The following PIK3CG variants were observed in gnomAD, a reference collection of about 807,000 sequenced individuals.
The protein encoded by PIK3CG is phosphatidylinositol-4,5-bisphosphate 3-kinase catalytic subunit gamma, also known as phosphatidylinositol 4,5-bisphosphate 3-kinase catalytic subunit gamma isoform.
In PIK3CG, 55 loss-of-function variants were observed where a neutral mutation model predicts 102.3. The observed-to-expected ratio is 0.54, with a 90% confidence interval of 0.43 to 0.67. PIK3CG has a LOEUF of 0.67. Among genes scored for constraint, PIK3CG ranks in the 30% least tolerant of loss-of-function variants. The pLI is 0.00. For missense variants in PIK3CG, 1,258 were observed against 1,391.8 expected, an observed-to-expected ratio of 0.90 and a Z score of 1.53; for synonymous variants, 552 against 540.0, an observed-to-expected ratio of 1.02 and a Z score of -0.31.
rs2116428074 is a variant in PIK3CG at position 106,868,008 on chromosome 7, C to G, written c.447C>G (p.Ala149=). ...QRHPPSEESQ[A]FQRQLTALIG... ...ACCCGCCCTCCGAGGAGTCCCAAGC[C>G]TTCCAGCGGCAGCTCACGGCGCTGA... is the stretch of plus-strand genomic sequence containing the variant. Residue 149 remains alanine (A), a synonymous_variant, in exon 2 of 11, where the codon GCC becomes GCG. Transcript: ENST00000496166. The surrounding 1 kb of genome is among the most constrained non-coding windows in gnomAD (Gnocchi z 6.2). 6.2e-7 allele frequency: 1 copy of G among 1,612,226 alleles called. No individual in the cohort carries two copies. The highest frequency in any genetic ancestry group is 1.1e-5 in the South Asian group (1 of 91,038).
In PIK3CG at chr7:106,884,431, T is replaced by A. The variant is rs1018707520; in HGVS notation, c.2872+165T>A. 9.2e-5 allele frequency among the ~76,000 whole-genome samples: 14 copies of A among 152,342 alleles called. No homozygotes were observed. Among genetic ancestry groups the A allele is most frequent in the Admixed American group, 4.6e-4 (7 of 15,306 alleles). The stretch of plus-strand genomic sequence containing the variant: ...ACCATTCATCCCCAGAATTTTTCCA[T>A]CTTCCCCAGCTGAAACTCTGTACCC... On this transcript the variant is annotated intron_variant, in intron 9 of 10. Transcript: ENST00000496166. The surrounding 1 kb of genome is among the most constrained non-coding windows in gnomAD (Gnocchi z 4.2).
At position 106,905,450 on chromosome 7, in the gene PIK3CG, C is replaced by T. The variant is rs1330199986; in HGVS notation, c.*63C>T. 14 of 1,466,000 alleles carry T rather than the reference C, an allele frequency of 9.5e-6. No homozygotes were observed. The highest frequency in any genetic ancestry group is 2.6e-5 in the South Asian group (2 of 77,410). 90.8% of individuals were successfully genotyped at this position (1,466,000 alleles called of 1,614,324 possible). On this transcript the variant is annotated 3_prime_UTR_variant, in exon 11 of 11. Transcript: ENST00000496166. This position sits in a 1 kb window ranked among gnomAD's most constrained non-coding sequence, Gnocchi z 5.6. Reference sequence around the variant, plus strand: ...TGGTTTAAATTAGCATAGCAATCATCGAACTTGGATTTCAAATGCAATAGA... The same window carrying T: ...TGGTTTAAATTAGCATAGCAATCATTGAACTTGGATTTCAAATGCAATAGA...
chr7:106,908,346 TCTG>T lies in PIK3CG; in HGVS notation c.*2961_*2963del, dbSNP rs1791744153. On this transcript the variant is annotated 3_prime_UTR_variant, in exon 11 of 11. Transcript: ENST00000496166. The surrounding 1 kb of genome is among the most constrained non-coding windows in gnomAD (Gnocchi z 4.1). ...AGTTTAGCACACGCGGTCTACCACG[TCTG>T]CATGAGTGGTAAATGTAGTGCCTGG... 6.6e-6 allele frequency among the ~76,000 whole-genome samples: 1 copy of T among 152,218 alleles called. No individual in the cohort carries two copies. Among genetic ancestry groups the T allele is most frequent in the African/African-American group, 2.4e-5 (1 of 41,456 alleles).
rs544046905 is a variant in PIK3CG at position 106,907,937 on chromosome 7, T to C, written c.*2550T>C. ...ACTTATAGATAAATAAAAATCATCT[T>C]TGTGGGCTTCCTTCCTTTACTGTTC... On this transcript the variant is annotated 3_prime_UTR_variant, in exon 11 of 11. Transcript: ENST00000496166. Among the ~76,000 whole-genome samples, 1 of 151,894 alleles carries C rather than the reference T, an allele frequency of 6.6e-6. No homozygotes were observed. The highest frequency in any genetic ancestry group is 6.6e-5 in the Admixed American group (1 of 15,224).
chr7:106,872,594 G>T lies in PIK3CG; in HGVS notation c.2053G>T (p.Gly685Cys), dbSNP rs1485807487. The T allele has an allele frequency of 6.2e-7, 1 of 1,613,468 alleles. No individual in the cohort carries two copies. Among genetic ancestry groups the T allele is most frequent in the African/African-American group, 1.3e-5 (1 of 74,886 alleles). ...SALARFLLKR[G>C]LRNKRIGHFL... ...CCTTGCCAGATTTCTGCTGAAGCGT[G>T]GTTTAAGAGTAAGTACTTCCATTTT... is the stretch of plus-strand genomic sequence containing the variant. Residue 685 changes from glycine (G) to cysteine (C), a missense_variant, in exon 3 of 11, where the codon GGT (glycine) becomes TGT (cysteine). This residue lies in a region of PIK3CG where 426 missense variants were observed against 604.2 expected (regional missense o/e 0.71). Coordinates refer to ENST00000496166, the MANE Select transcript of PIK3CG (RefSeq NM_001282426.2). This position sits in a 1 kb window ranked among gnomAD's most constrained non-coding sequence, Gnocchi z 5.3.
Position 106,891,296 on chromosome 7 carries a change from T to C in PIK3CG, c.3030+5004T>C, listed in dbSNP as rs1234329262. Among the ~76,000 whole-genome samples the C allele has an allele frequency of 6.6e-6, 1 of 152,202 alleles. No individual in the cohort carries two copies. Among genetic ancestry groups the C allele is most frequent in the Admixed American group, 6.5e-5 (1 of 15,286 alleles). On this transcript the variant is annotated intron_variant, in intron 10 of 10. Transcript: ENST00000496166. The surrounding 1 kb of genome is among the most constrained non-coding windows in gnomAD (Gnocchi z 4.4). Reference sequence around the variant, plus strand: ...TCAGGCCCAGATTGACAGACCATCATCACATGGAAGGTAATAAGCCTTCAG... The same window carrying C: ...TCAGGCCCAGATTGACAGACCATCACCACATGGAAGGTAATAAGCCTTCAG...
intron 4 of PIK3CG, among the ~76,000 whole-genome samples, chr7:106,873,916 G>C (rs1790628742): frequency 6.6e-6 from 1 of 151,776 alleles, no homozygotes; most frequent in Non-Finnish European, 1.5e-5. Context: ...TATCTTCCTG[G>C]TCTGGTAAAC....
rs138772193 is a variant in PIK3CG at position 106,907,158 on chromosome 7, C to A, written c.*1771C>A. On this transcript the variant is annotated 3_prime_UTR_variant, in exon 11 of 11. Coordinates refer to ENST00000496166, the MANE Select transcript of PIK3CG (RefSeq NM_001282426.2). ...TAAAAAATAAAAACACCCTTGCCTG[C>A]GCTCCATTCCCAGGTTATAATTTAA... 565 of 176,000 alleles carry A rather than the reference C, an allele frequency of 3.2e-3. No homozygotes were observed. The highest frequency in any genetic ancestry group is 5.1e-3 in the Non-Finnish European group (422 of 81,948). The allele number at this position is 176,000 out of a possible 1,614,324, so 10.9% of individuals were successfully genotyped here.
chr7:106,875,909 G>GTTTTTTTTTTT (rs559463107), intron 5 of PIK3CG, among the ~76,000 whole-genome samples: 2 of 123,072 alleles, frequency 1.6e-5, no homozygotes, highest in African/African-American at 6.1e-5. Flanking sequence ...TTTTTTTTTT[G>GTTTTTTTTTTT]TTTTTTTTTT....
At position 106,868,415 on chromosome 7, in the gene PIK3CG, C is replaced by T. The variant is rs1251220989; in HGVS notation, c.854C>T (p.Thr285Met). The T allele has an allele frequency of 5.6e-6, 9 of 1,614,226 alleles. No homozygotes were observed. The highest frequency in any genetic ancestry group is 1.7e-5 in the Admixed American group (1 of 60,028). ...CGRDEYLVGE[T>M]PIKNFQWVRH... ...CGGGATGAGTACCTGGTGGGCGAAA[C>T]GCCCATCAAAAACTTCCAGTGGGTG... Residue 285 changes from threonine (T) to methionine (M), a missense_variant, in exon 2 of 11, where the codon ACG becomes ATG. Around this residue, in one of 2 missense-constraint regions of PIK3CG, gnomAD observed 832 missense variants for 787.5 expected, o/e 1.06. Transcript: ENST00000496166. The surrounding 1 kb of genome is among the most constrained non-coding windows in gnomAD (Gnocchi z 6.2).
chr7:106,888,479 A>G (rs1487438046), intron 10 of PIK3CG, among the ~76,000 whole-genome samples: 2 of 152,158 alleles, frequency 1.3e-5, no homozygotes, highest in Non-Finnish European at 2.9e-5. Flanking sequence ...TCTTCCCACT[A>G]TCGGCATCTT....
At chr7:106,888,123 T>C (rs924671296) in intron 10 of PIK3CG, among the ~76,000 whole-genome samples, 2 of 151,904 alleles carry the variant, frequency 1.3e-5, no homozygotes, top group Non-Finnish European at 2.9e-5. Context: ...GTATTTTTAG[T>C]AGAGACAGGG....
At chr7:106,866,643 T>C (rs1207929979) in intron 1 of PIK3CG, among the ~76,000 whole-genome samples, 2 of 152,182 alleles carry the variant, frequency 1.3e-5, no homozygotes, top group Admixed American at 6.5e-5. Context: ...TAAACAATGT[T>C]AAAATTACCT....
chr7:106,893,221 G>A lies in PIK3CG; in HGVS notation c.3030+6929G>A, dbSNP rs541060569. On this transcript the variant is annotated intron_variant, in intron 10 of 10. Coordinates refer to ENST00000496166, the MANE Select transcript of PIK3CG (RefSeq NM_001282426.2). This position sits in a 1 kb window ranked among gnomAD's most constrained non-coding sequence, Gnocchi z 4.4. Reference sequence around the variant, plus strand: ...CACCCCGACCCACTGACTAGGCCAGGCTCAGGCTCCCCTGTCTCAGTGTGA... The same window carrying A: ...CACCCCGACCCACTGACTAGGCCAGACTCAGGCTCCCCTGTCTCAGTGTGA... Among the ~76,000 whole-genome samples the A allele has an allele frequency of 8.5e-5, 13 of 152,242 alleles. No individual in the cohort carries two copies. In the South Asian group the frequency reaches 2.7e-3, roughly 32 times the overall value.
rs1791496583 is a variant in PIK3CG, at chr7:106,899,769, T to C, written c.3031-5340T>C. On this transcript the variant is annotated intron_variant, in intron 10 of 10. Coordinates refer to ENST00000496166, the MANE Select transcript of PIK3CG (RefSeq NM_001282426.2). This position sits in a 1 kb window ranked among gnomAD's most constrained non-coding sequence, Gnocchi z 4.6. ...TGCTGCTGGATTTGGTTTGCAAGTA[T>C]TTGAAGATTTTTGTATTGATGTTCA... Among the ~76,000 whole-genome samples, 1 of 152,018 alleles carries C rather than the reference T, an allele frequency of 6.6e-6. No homozygotes were observed. Among genetic ancestry groups the C allele is most frequent in the African/African-American group, 2.4e-5 (1 of 41,424 alleles).
At position 106,882,117 on chromosome 7, in the gene PIK3CG, A is replaced by G; in HGVS notation, c.2539A>G (p.Ile847Val). ...DLRQDMLILQ[I>V]LRIMESIWET... ...AACATTTCTGTGTTTCGATGCCCAGATTCTACGAATCATGGAGTCTATTTG... is the reference window on the plus strand; with the variant it reads ...AACATTTCTGTGTTTCGATGCCCAGGTTCTACGAATCATGGAGTCTATTTG... The change falls in exon 7 of 11, where the codon ATT becomes GTT. Residue 847 changes from isoleucine (I) to valine (V), a missense_variant and splice_region_variant. Transcript: ENST00000496166. 6.9e-7 allele frequency: 1 copy of G among 1,458,622 alleles called. No homozygotes were observed. The highest frequency in any genetic ancestry group is 9.1e-7 in the Non-Finnish European group (1 of 1,093,284). The allele number at this position is 1,458,622 out of a possible 1,614,324, so 90.4% of individuals were successfully genotyped here. A position where few individuals can be genotyped will look rare whatever the true frequency, so the allele number is the denominator to read the frequency against.
rs1270871088 is a variant in PIK3CG at position 106,899,468 on chromosome 7, T to C, written c.3031-5641T>C. Among the ~76,000 whole-genome samples, 1 of 152,246 alleles carries C rather than the reference T, an allele frequency of 6.6e-6. No individual in the cohort carries two copies. Among genetic ancestry groups the C allele is most frequent in the Non-Finnish European group, 1.5e-5 (1 of 68,038 alleles). ...TTTTCAAGGGGAATGCTTCCAGCTT[T>C]TGCCCATTCAGTATAATGTTGGCTG... On this transcript the variant is annotated intron_variant, in intron 10 of 10. Coordinates refer to ENST00000496166, the MANE Select transcript of PIK3CG (RefSeq NM_001282426.2). The surrounding 1 kb of genome is among the most constrained non-coding windows in gnomAD (Gnocchi z 4.6).
At position 106,892,642 on chromosome 7, in the gene PIK3CG, C is replaced by T. The variant is rs771178935; in HGVS notation, c.3030+6350C>T. Reference sequence around the variant, plus strand: ...CATAGGTGAGACAATAGAGCATGGCCCCAGAACATGGCAAGAAAGCTACTT... The same window carrying T: ...CATAGGTGAGACAATAGAGCATGGCTCCAGAACATGGCAAGAAAGCTACTT... On this transcript the variant is annotated intron_variant, in intron 10 of 10. Transcript: ENST00000496166. This position sits in a 1 kb window ranked among gnomAD's most constrained non-coding sequence, Gnocchi z 5.2. Among the ~76,000 whole-genome samples, 8 of 152,132 alleles carry T rather than the reference C, an allele frequency of 5.3e-5. No individual in the cohort carries two copies. Among genetic ancestry groups the T allele is most frequent in the Non-Finnish European group, 1.2e-4 (8 of 68,022 alleles).
chr7:106,868,914 T>C lies in PIK3CG; in HGVS notation c.1353T>C (p.Ser451=), dbSNP rs765417830. Reference sequence around the variant, plus strand: ...GCAAGGCCTCTGCAGAGTCCCCCAGTTCTGAGTCCAAGGGCAAAGTTCAGC... The same window carrying C: ...GCAAGGCCTCTGCAGAGTCCCCCAGCTCTGAGTCCAAGGGCAAAGTTCAGC... ...LSSKASAESP[S]SESKGKVQLL... Residue 451 remains serine (S), a synonymous_variant, in exon 2 of 11, where the codon AGT becomes AGC. Transcript: ENST00000496166. This position sits in a 1 kb window ranked among gnomAD's most constrained non-coding sequence, Gnocchi z 6.2. The C allele has an allele frequency of 6.2e-7, 1 of 1,614,220 alleles. No individual in the cohort carries two copies. Among genetic ancestry groups the C allele is most frequent in the African/African-American group, 1.3e-5 (1 of 75,068 alleles).
Sources: gnomAD v4.1 joint callset for allele counts (sites outside exome capture counted in the v4.1 genomes callset) on GRCh38, gnomAD v4.1.1 for gene constraint, gnomAD v4.1.1 regional missense constraint, Gnocchi (gnomAD v3.1) non-coding constraint, MANE v1.5 for transcripts, NCBI Gene and HGNC (gene_info 2026-07-23, HGNC 2026-07-21) for gene names.